Variants in DIAPH3 observed in about 807,000 individuals in gnomAD.
DIAPH3 encodes diaphanous related formin 3.
A neutral mutation model predicts 144.3 loss-of-function variants in DIAPH3; 117 were observed. The observed-to-expected ratio is 0.81, with a 90% CI of 0.70 to 0.95. The LOEUF is 0.95. Ranked by LOEUF, DIAPH3 falls within the 40% of genes least tolerant of loss-of-function variation. DIAPH3 has a pLI of 0.00. For missense variants in DIAPH3, 1,421 were observed against 1,412.7 expected (o/e 1.01, Z -0.09); for synonymous variants, 519 against 488.9 (o/e 1.06, Z -0.81).
At chr13:60,131,616 G>A (rs761348261) in intron 2 of DIAPH3, among the ~76,000 whole-genome samples, 6 of 152,000 alleles carry the variant, frequency 3.9e-5, no homozygotes, top group Non-Finnish European at 5.9e-5. Flanking sequence ...GTAGATTGGT[G>A]GTTGCCTAGA....
chr13:59,846,922 T>A (rs1209085050), intron 22 of DIAPH3, among the ~76,000 whole-genome samples: 2 of 151,916 alleles, frequency 1.3e-5, no homozygotes, highest in Admixed American at 6.6e-5. Context: ...TAAATTTTTT[T>A]AAAAAGATTA....
rs1472473290 is a variant in DIAPH3 at position 59,965,224 on chromosome 13, AC to A, written c.2074+4719del. On this transcript the variant is annotated intron_variant, in intron 17 of 27. Transcript: ENST00000400324. The stretch of plus-strand genomic sequence containing the variant: ...CCATTAACTGTTTCCATATGCCATA[AC>A]TATTCAGTTGAGAAATAATTTATAA... Among the ~76,000 whole-genome samples the A allele has an allele frequency of 2.0e-4, 31 of 152,252 alleles. No homozygotes were observed. The East Asian group carries it at 6.0e-3, about 29-fold the overall frequency.
chr13:59,750,691 A>G (rs1464833158), intron 27 of DIAPH3, among the ~76,000 whole-genome samples: 1 of 152,212 alleles, frequency 6.6e-6, no homozygotes, highest in Non-Finnish European at 1.5e-5. Flanking sequence ...GTTCCAACCA[A>G]ATGAATATTT....
At chr13:59,836,591 C>A (rs925714041) in intron 23 of DIAPH3, among the ~76,000 whole-genome samples, 1 of 151,630 alleles carries the variant, frequency 6.6e-6, no homozygotes, top group Non-Finnish European at 1.5e-5. Flanking sequence ...AATAAAAATA[C>A]AACATACTAT....
intron 27 of DIAPH3, among the ~76,000 whole-genome samples, chr13:59,769,168 G>T (rs73529647): frequency 6.2e-4 from 95 of 152,236 alleles, no homozygotes; most frequent in African/African-American, 2.3e-3. Flanking sequence ...AAGTTTTACA[G>T]ACAGTTCACA....
intron 1 of DIAPH3, among the ~76,000 whole-genome samples, chr13:60,137,794 A>G (rs2059327513): frequency 7.2e-6 from 1 of 139,456 alleles, no homozygotes; most frequent in Non-Finnish European, 1.5e-5. Flanking sequence ...CCCAGGCTGG[A>G]GTGCAGCAGT....
At chr13:59,904,063 G>A (rs1012730059) in intron 20 of DIAPH3, among the ~76,000 whole-genome samples, 2 of 152,220 alleles carry the variant, frequency 1.3e-5, no homozygotes, top group Non-Finnish European at 2.9e-5. Context: ...TGTATAGAAT[G>A]AAGTGTTAGG....
At chr13:60,035,891 A>T (rs2141140056) in intron 5 of DIAPH3, among the ~76,000 whole-genome samples, 1 of 152,328 alleles carries the variant, frequency 6.6e-6, no homozygotes, top group African/African-American at 2.4e-5. Flanking sequence ...AATTTACCAG[A>T]GATGTTTCTA....
intron 27 of DIAPH3, among the ~76,000 whole-genome samples, chr13:59,740,830 G>A (rs1037883148): frequency 1.3e-5 from 2 of 152,096 alleles, no homozygotes; most frequent in African/African-American, 4.8e-5. Flanking sequence ...TAGAGGTCAG[G>A]AAATGAGGAA....
intron 3 of DIAPH3, among the ~76,000 whole-genome samples, chr13:60,103,505 C>T (rs886659426): frequency 6.6e-6 from 1 of 152,080 alleles, no homozygotes; most frequent in African/African-American, 2.4e-5. Flanking sequence ...TACAGACAGG[C>T]AGAGCATGAC....
intron 17 of DIAPH3, among the ~76,000 whole-genome samples, chr13:59,945,010 G>A (rs1047252294): frequency 7.9e-5 from 12 of 152,006 alleles, no homozygotes; most frequent in African/African-American, 2.9e-4. Context: ...TTTCAATATT[G>A]TACCAATGCT....
At chr13:59,743,918 C>A (rs1418520754) in intron 27 of DIAPH3, among the ~76,000 whole-genome samples, 1 of 152,184 alleles carries the variant, frequency 6.6e-6, no homozygotes, top group Non-Finnish European at 1.5e-5. Flanking sequence ...ACAGGCATCA[C>A]TGTCCCTTTC....
intron 27 of DIAPH3, among the ~76,000 whole-genome samples, chr13:59,697,742 C>T (rs2033897532): frequency 6.6e-6 from 1 of 152,056 alleles, no homozygotes; most frequent in African/African-American, 2.4e-5. Flanking sequence ...TGGGTTTTCA[C>T]TTCCACACAA....
chr13:59,840,673 A>G (rs777543835), intron 22 of DIAPH3, among the ~76,000 whole-genome samples: 3 of 152,066 alleles, frequency 2.0e-5, no homozygotes, highest in Non-Finnish European at 4.4e-5. Flanking sequence ...CTCAGATGCA[A>G]CGTTTAAGGA....
At chr13:59,821,130 C>T (rs955032670) in intron 24 of DIAPH3, among the ~76,000 whole-genome samples, 2 of 151,990 alleles carry the variant, frequency 1.3e-5, no homozygotes, top group Non-Finnish European at 2.9e-5. Flanking sequence ...ACTCAAAAAT[C>T]TTTACTTTTT....
At chr13:60,137,742 CTTTTTT>C (rs35703399) in intron 1 of DIAPH3, among the ~76,000 whole-genome samples, 75 of 125,716 alleles carry the variant, frequency 6.0e-4, no homozygotes, top group African/African-American at 2.1e-3. Context: ...TTAAAATTGA[CTTTTTT>C]TTTTTTTTTT....
chr13:59,974,353 T>C lies in DIAPH3; in HGVS notation c.1649A>G (p.Gln550Arg), dbSNP rs1214301235. 1 of 1,611,810 alleles carries C rather than the reference T, an allele frequency of 6.2e-7. No individual in the cohort carries two copies. The highest frequency in any genetic ancestry group is 8.5e-7 in the Non-Finnish European group (1 of 1,178,890). ...LQAELQAFKS[Q>R]FGALPADCNI... ...AATTCACTCAGAGTGGAATTTTACCTGAGACTTAAAAGCTTGTAGCTCTGC... is the reference window on the plus strand; with the variant it reads ...AATTCACTCAGAGTGGAATTTTACCCGAGACTTAAAAGCTTGTAGCTCTGC... Residue 550 changes from glutamine (Q) to arginine (R), a missense_variant and splice_region_variant, in exon 15 of 28, where the codon CAG becomes CGG. Coordinates refer to ENST00000400324, the MANE Select transcript of DIAPH3 (RefSeq NM_001042517.2).
At chr13:60,109,766 C>A (rs1404097509) in intron 3 of DIAPH3, among the ~76,000 whole-genome samples, 1 of 152,142 alleles carries the variant, frequency 6.6e-6, no homozygotes, top group Non-Finnish European at 1.5e-5. Context: ...TCATGTTCAC[C>A]TTGTTCAAAA....
intron 4 of DIAPH3, among the ~76,000 whole-genome samples, chr13:60,074,616 T>C (rs1360230216): frequency 2.6e-5 from 4 of 152,220 alleles, no homozygotes; most frequent in Non-Finnish European, 1.5e-5. Flanking sequence ...TCTCCAGCCC[T>C]AGTGCAAGAT....
Sources: allele counts gnomAD v4.1 joint callset (sites outside exome capture counted in the v4.1 genomes callset), GRCh38; gene constraint gnomAD v4.1.1; transcripts MANE v1.5; gene names NCBI Gene and HGNC (gene_info 2026-07-23, HGNC 2026-07-21).